LRIF1: variants seen among roughly 807,000 people sequenced by gnomAD.
LRIF1 encodes ligand-dependent nuclear receptor-interacting factor 1.
A neutral mutation model predicts 52.7 loss-of-function variants in LRIF1; 32 were observed. The ratio of observed to expected loss-of-function variants is 0.61; its 90% confidence interval spans 0.46 to 0.82. LRIF1 has a LOEUF of 0.82. LRIF1 is among the 40% of genes least tolerant of loss of function. LRIF1 has a pLI of 0.00. For missense variants in LRIF1, 887 were observed against 892.0 expected (o/e 0.99, Z 0.07); for synonymous variants, 323 against 317.4 (o/e 1.02, Z -0.19).
intron 1 of LRIF1, among the ~76,000 whole-genome samples, chr1:110,958,428 T>C (rs899289711): frequency 2.7e-5 from 4 of 147,032 alleles, no homozygotes; most frequent in Non-Finnish European, 6.0e-5. Flanking sequence ...ATGCTTTCTT[T>C]ATTGACTTTA....
chr1:110,930,656 T>C, the LRIF1 span, among the ~76,000 whole-genome samples: 1 of 152,286 alleles, frequency 6.6e-6, no homozygotes, highest in East Asian at 1.9e-4. Flanking sequence ...AATACAGTTA[T>C]ACTGGGGGTT....
chr1:110,891,116 A>C, the LRIF1 span, among the ~76,000 whole-genome samples: 1 of 152,270 alleles, frequency 6.6e-6, no homozygotes, highest in Non-Finnish European at 1.5e-5. Context: ...ACTGTGACTC[A>C]TCCTCTTCTA....
downstream of LRIF1, among the ~76,000 whole-genome samples, chr1:110,946,822 A>G (rs926257114): frequency 2.0e-5 from 3 of 151,844 alleles, no homozygotes; most frequent in Non-Finnish European, 2.9e-5. Context: ...GTGCCCGACT[A>G]ATTTTTGTAT....
chr1:110,915,720 G>A, the LRIF1 span, among the ~76,000 whole-genome samples: 2 of 152,064 alleles, frequency 1.3e-5, no homozygotes, highest in African/African-American at 2.4e-5. Context: ...CTTGATCCGG[G>A]TGTTATACAC....
the LRIF1 span, among the ~76,000 whole-genome samples, chr1:110,875,437 T>C: frequency 2.0e-5 from 3 of 152,182 alleles, no homozygotes; most frequent in Non-Finnish European, 4.4e-5. Context: ...CTCCTCAACC[T>C]AGATTTTCAC....
chr1:110,952,188 T>C lies in LRIF1; in HGVS notation c.696A>G (p.Val232=). 1 of 1,614,218 alleles carries C rather than the reference T, an allele frequency of 6.2e-7. No homozygotes were observed. Among genetic ancestry groups the C allele is most frequent in the Non-Finnish European group, 8.5e-7 (1 of 1,180,024 alleles). ...CATTTTTCACTGTATTTACAGGAGA[T>C]ACATAAATAACGGTTGGCATTTGGG... ...EASQMPTVIY[V]SPVNTVKNVV... The change falls in exon 2 of 4, where the codon GTA becomes GTG. Residue 232 remains valine (V), a synonymous_variant. Transcript: ENST00000369763.
chr1:110,874,958 G>C, the LRIF1 span, among the ~76,000 whole-genome samples: 1 of 152,204 alleles, frequency 6.6e-6, no homozygotes, highest in African/African-American at 2.4e-5. Flanking sequence ...ATTATCATCT[G>C]AAAGGAGTTG....
chr1:110,938,919 G>C, the LRIF1 span: 2 of 151,916 alleles, frequency 1.3e-5, no homozygotes, highest in East Asian at 3.9e-4. Context: ...TAGGCAAACA[G>C]TGAACAATAT....
At chr1:110,938,930 G>T in the LRIF1 span, 2 of 149,498 alleles carry the variant, frequency 1.3e-5, no homozygotes, top group African/African-American at 2.5e-5. Context: ...TGAACAATAT[G>T]AAAAAAGTAA....
chr1:110,894,840 C>A, the LRIF1 span: 2 of 741,548 alleles, frequency 2.7e-6, no homozygotes, highest in Non-Finnish European at 2.4e-6. Flanking sequence ...ACCCTTAGTT[C>A]TGAGGAGACC....
chr1:110,923,079 C>T, the LRIF1 span, among the ~76,000 whole-genome samples: 6 of 152,118 alleles, frequency 3.9e-5, no homozygotes, highest in Admixed American at 6.5e-5. Flanking sequence ...CTGAGGCGGG[C>T]GGATTGTCTG....
the LRIF1 span, among the ~76,000 whole-genome samples, chr1:110,925,972 T>G: frequency 2.0e-5 from 3 of 152,128 alleles, no homozygotes; most frequent in East Asian, 5.8e-4. Flanking sequence ...GTGTAAGAAT[T>G]CTATGGAGAA....
the LRIF1 span, among the ~76,000 whole-genome samples, chr1:110,911,416 C>T: frequency 6.6e-6 from 1 of 152,018 alleles, no homozygotes; most frequent in African/African-American, 2.4e-5. Context: ...CTGAATTCTT[C>T]CAGATATGTA....
the LRIF1 span, chr1:110,899,162 G>T: frequency 6.2e-7 from 1 of 1,613,960 alleles, no homozygotes; most frequent in Non-Finnish European, 8.5e-7. Context: ...TGAACTGCCA[G>T]ATTGACAAAA....
At chr1:110,886,144 AT>A in the LRIF1 span, among the ~76,000 whole-genome samples, 11 of 151,802 alleles carry the variant, frequency 7.2e-5, no homozygotes, top group Non-Finnish European at 1.0e-4. Context: ...TAGTATGACA[AT>A]TTTTTTTCTT....
the LRIF1 span, among the ~76,000 whole-genome samples, chr1:110,920,644 A>G: frequency 2.0e-5 from 3 of 152,330 alleles, no homozygotes; most frequent in African/African-American, 7.2e-5. Flanking sequence ...AAACCCATAG[A>G]ACGTACAACA....
At position 110,952,554 on chromosome 1, in the gene LRIF1, T is replaced by A; in HGVS notation, c.330A>T (p.Arg110Ser). 1 of 1,614,048 alleles carries A rather than the reference T, an allele frequency of 6.2e-7. No individual in the cohort carries two copies. The highest frequency in any genetic ancestry group is 1.1e-5 in the South Asian group (1 of 91,082). Residue 110 changes from arginine (R) to serine (S), a missense_variant, in exon 2 of 4, where the codon AGA (arginine) becomes AGT (serine). Transcript: ENST00000369763. ...PASSSNYFLT[R>S]TVDTSEKGRV... Reference sequence around the variant, plus strand: ...TACCTTTTTCTGATGTATCTACTGTTCTTGTAAGAAAATAGTTTGAAGAAC... The same window carrying A: ...TACCTTTTTCTGATGTATCTACTGTACTTGTAAGAAAATAGTTTGAAGAAC...
the LRIF1 span, among the ~76,000 whole-genome samples, chr1:110,910,241 A>G: frequency 6.6e-6 from 1 of 151,310 alleles, no homozygotes; most frequent in Non-Finnish European, 1.5e-5. Context: ...TCTCATCTAC[A>G]CATGGCACAT....
At position 110,952,371 on chromosome 1, in the gene LRIF1, T is replaced by C. The variant is rs751377000; in HGVS notation, c.513A>G (p.Pro171=). 1.2e-6 allele frequency: 2 copies of C among 1,613,974 alleles called. No individual in the cohort carries two copies. Among genetic ancestry groups the C allele is most frequent in the Non-Finnish European group, 1.7e-6 (2 of 1,179,948 alleles). Residue 171 remains proline (P), a synonymous_variant, in exon 2 of 4, where the codon CCA becomes CCG. Transcript: ENST00000369763. ...GCAAAACTGGAGACTTCACAGTCAC[T>C]GGAAGACTCTGGGTATTAACTACAA... The part of the protein sequence containing the change: ...SFIVVNTQSL[P]VTVKSPVLPS...
Sources: gnomAD v4.1 joint callset for allele counts (sites outside exome capture counted in the v4.1 genomes callset) on GRCh38, gnomAD v4.1.1 for gene constraint, MANE v1.5 for transcripts, NCBI Gene and HGNC (gene_info 2026-07-23, HGNC 2026-07-21) for gene names.